Variants in DAAM2 observed in about 807,000 individuals in gnomAD.
DAAM2 encodes disheveled-associated activator of morphogenesis 2.
DAAM2 carries 39 observed loss-of-function variants against 120.7 expected under a neutral mutation model. The observed-to-expected ratio is 0.32, with a 90% CI of 0.25 to 0.42. The LOEUF is 0.42. DAAM2 is among the 10% of genes least tolerant of loss of function. DAAM2 has a pLI of 1.00. For synonymous variants in DAAM2, 488 were observed against 524.9 expected, an observed-to-expected ratio of 0.93 and a Z score of 0.96; for missense variants, 1,283 against 1,401.7, an observed-to-expected ratio of 0.92 and a Z score of 1.35.
intron 1 of DAAM2, among the ~76,000 whole-genome samples, chr6:39,808,075 CT>C (rs34459856): frequency 0.018 from 2,460 of 139,936 alleles, 54 homozygotes; most frequent in African/African-American, 0.05. Flanking sequence ...TGTTTTTGAC[CT>C]TTTTTTTTTT....
At chr6:39,823,678 G>T (rs963451776) in intron 1 of DAAM2, among the ~76,000 whole-genome samples, 1 of 152,168 alleles carries the variant, frequency 6.6e-6, no homozygotes, top group African/African-American at 2.4e-5. Context: ...GAAGGCCATC[G>T]CATGATCCCT....
At chr6:39,799,767 G>A (rs115659074) in intron 1 of DAAM2, among the ~76,000 whole-genome samples, 2,691 of 152,274 alleles carry the variant, frequency 0.018, 82 homozygotes, top group African/African-American at 0.06. Context: ...TTAAGCAAGT[G>A]AATTAATATC....
chr6:39,795,698 G>C (rs1761679483), intron 1 of DAAM2, among the ~76,000 whole-genome samples: 1 of 152,138 alleles, frequency 6.6e-6, no homozygotes, highest in African/African-American at 2.4e-5. Context: ...ATGATTGAAG[G>C]CTAGTGGGTG....
At chr6:39,807,760 G>T (rs866122545) in intron 1 of DAAM2, among the ~76,000 whole-genome samples, 1 of 152,070 alleles carries the variant, frequency 6.6e-6, no homozygotes, top group Non-Finnish European at 1.5e-5. Context: ...CAAGTGACCC[G>T]CCCACCTCGG....
At chr6:39,875,252 C>A (rs1764822218) in intron 10 of DAAM2, 78 bp from the exon 11 acceptor site, 1 of 1,520,180 alleles carries the variant, frequency 6.6e-7, no homozygotes, top group Non-Finnish European at 8.9e-7. Context: ...ACCAGCCAGA[C>A]CCCAGGCAGC....
At position 39,897,005 on chromosome 6, in the gene DAAM2, T is replaced by A. The variant is rs751972587; in HGVS notation, c.2510+25T>A. On this transcript the variant is annotated intron_variant, in intron 20 of 24. Transcript: ENST00000274867. ...GGTGAGGACCTCCCTTCCCGGCCAC[T>A]TCCTTGGCCTCTATCTCACCCTACC... 1.9e-5 allele frequency: 31 copies of A among 1,590,458 alleles called. No individual in the cohort carries two copies. In the Admixed American group the frequency reaches 5.3e-4, roughly 27 times the overall value.
chr6:39,838,658 T>C (rs1205877506), intron 1 of DAAM2, among the ~76,000 whole-genome samples: 2 of 152,284 alleles, frequency 1.3e-5, no homozygotes, highest in Admixed American at 6.5e-5. Context: ...ACTTTCTTTT[T>C]TCTTTTTCTT....
chr6:39,794,175 C>T (rs1330289936), intron 1 of DAAM2, among the ~76,000 whole-genome samples: 1 of 152,112 alleles, frequency 6.6e-6, no homozygotes, highest in Non-Finnish European at 1.5e-5. Context: ...GCAATGTAAA[C>T]AAGGGTGCAT....
chr6:39,792,498 T>C (rs1043605713), intron 1 of DAAM2, 33 bp downstream of exon 1: 2 of 152,052 alleles, frequency 1.3e-5, no homozygotes, highest in Non-Finnish European at 2.9e-5. Flanking sequence ...CTCCCCGTCT[T>C]GGGGCCCGGG....
At chr6:39,898,347 G>A (rs3004068) in intron 21 of DAAM2, among the ~76,000 whole-genome samples, 92,983 of 152,070 alleles carry the variant, frequency 0.61, 29,010 homozygotes, top group East Asian at 0.86. Context: ...AAGAGTGTGC[G>A]TACAGTTGGA....
At chr6:39,875,097 T>C (rs1764815649) in intron 10 of DAAM2, among the ~76,000 whole-genome samples, 1 of 152,052 alleles carries the variant, frequency 6.6e-6, no homozygotes, top group Non-Finnish European at 1.5e-5. Flanking sequence ...TAGAGAAATA[T>C]GTTGGGGAGG....
chr6:39,884,992 TCCC>T (rs1325787555), intron 15 of DAAM2: 6 of 152,082 alleles, frequency 3.9e-5, no homozygotes, highest in Non-Finnish European at 8.8e-5. Flanking sequence ...GAGGGACTTC[TCCC>T]TCTTGGGGCT....
At chr6:39,875,678 A>T (rs758734439) in intron 11 of DAAM2, among the ~76,000 whole-genome samples, 1 of 152,246 alleles carries the variant, frequency 6.6e-6, no homozygotes, top group African/African-American at 2.4e-5. Flanking sequence ...GCTATGGAGT[A>T]CTTGACACAC....
At chr6:39,804,476 T>A (rs528276719) in intron 1 of DAAM2, among the ~76,000 whole-genome samples, 1 of 152,278 alleles carries the variant, frequency 6.6e-6, no homozygotes, top group East Asian at 1.9e-4. Context: ...TTTCCTTTTT[T>A]TCTGAGCTGA....
chr6:39,899,547 G>A (rs913418799), intron 22 of DAAM2: 2 of 158,440 alleles, frequency 1.3e-5, no homozygotes, highest in Non-Finnish European at 2.8e-5. Flanking sequence ...GAGAGGCAGT[G>A]GGTAAGGGAA....
intron 1 of DAAM2, among the ~76,000 whole-genome samples, chr6:39,847,649 C>T (rs574019409): frequency 2.6e-5 from 4 of 152,176 alleles, no homozygotes; most frequent in South Asian, 2.1e-4. Context: ...CTCTCACTCA[C>T]GTGCCGGCAC....
intron 8 of DAAM2, among the ~76,000 whole-genome samples, chr6:39,871,168 A>G (rs1764644707): frequency 6.6e-6 from 1 of 152,146 alleles, no homozygotes; most frequent in African/African-American, 2.4e-5. Context: ...GCTGGCATCT[A>G]GTGGGTGGAG....
chr6:39,816,626 A>G (rs1427907746), intron 1 of DAAM2, among the ~76,000 whole-genome samples: 2 of 152,150 alleles, frequency 1.3e-5, no homozygotes, highest in Admixed American at 1.3e-4. Context: ...AGTCCATTAT[A>G]TCTTATTCTA....
chr6:39,878,264 G>T lies in DAAM2; in HGVS notation c.1360+3G>T. 1 of 1,613,978 alleles carries T rather than the reference G, an allele frequency of 6.2e-7. No homozygotes were observed. Among genetic ancestry groups the T allele is most frequent in the South Asian group, 1.1e-5 (1 of 91,076 alleles). On this transcript the variant is annotated splice_donor_region_variant and intron_variant, in intron 12 of 24. Coordinates refer to ENST00000274867, the MANE Select transcript of DAAM2 (RefSeq NM_001201427.2). This position sits in a 1 kb window ranked among gnomAD's most constrained non-coding sequence, Gnocchi z 5.0. ...CCAGGCAGAGAAGTTCCGGAAAGGT[G>T]AGGGGCTCTGCTTAAGCCTGCTGTC...
Sources: gnomAD v4.1 joint callset for allele counts (sites outside exome capture counted in the v4.1 genomes callset) on GRCh38, gnomAD v4.1.1 for gene constraint, Gnocchi (gnomAD v3.1) non-coding constraint, MANE v1.5 for transcripts, NCBI Gene and HGNC (gene_info 2026-07-23, HGNC 2026-07-21) for gene names.